Variants in KCNIP1 observed in about 807,000 individuals in gnomAD.
KCNIP1 encodes the protein A-type potassium channel modulatory protein KCNIP1.
KCNIP1 carries 18 observed loss-of-function variants against 33.0 expected under a neutral mutation model. The ratio of observed to expected loss-of-function variants is 0.55; its 90% CI spans 0.38 to 0.81. The LOEUF (loss-of-function observed/expected upper bound fraction) is 0.81. Ranked by LOEUF, KCNIP1 falls within the 30% of genes least tolerant of loss-of-function variation. KCNIP1 has a pLI of 0.00. For synonymous variants in KCNIP1, 93 were observed against 98.3 expected (o/e 0.95, Z 0.32); for missense variants, 238 against 271.6 (o/e 0.88, Z 0.87).
chr5:170,628,063 G>A (rs1011594699), intron 1 of KCNIP1, among the ~76,000 whole-genome samples: 9 of 152,206 alleles, frequency 5.9e-5, no homozygotes, highest in African/African-American at 2.2e-4. Flanking sequence ...AGTGAGTGGG[G>A]AATTCCCGCC....
chr5:170,489,201 C>T lies in KCNIP1; in HGVS notation c.88+135237C>T, dbSNP rs1170682876. 2.2e-4 allele frequency among the ~76,000 whole-genome samples: 33 copies of T among 152,160 alleles called. No homozygotes were observed. The highest frequency in any genetic ancestry group is 1.8e-3 in the Admixed American group (27 of 15,288). On this transcript the variant is annotated intron_variant, in intron 1 of 7. Transcript: ENST00000377360. The surrounding 1 kb of genome is among the most constrained non-coding windows in gnomAD (Gnocchi z 4.3). Reference sequence around the variant, plus strand: ...AGGCACTGAAGGAAGAGGTAGGGGACGATGACTCCATCTGTCACCTCGGCA... The same window carrying T: ...AGGCACTGAAGGAAGAGGTAGGGGATGATGACTCCATCTGTCACCTCGGCA...
intron 1 of KCNIP1, among the ~76,000 whole-genome samples, chr5:170,416,250 G>A (rs776201967): frequency 6.6e-6 from 1 of 152,130 alleles, no homozygotes; most frequent in Admixed American, 6.5e-5. Context: ...TCATATCTCA[G>A]GGTGGGAGAG....
At chr5:170,622,707 G>C (rs997145211) in intron 1 of KCNIP1, among the ~76,000 whole-genome samples, 2 of 151,926 alleles carry the variant, frequency 1.3e-5, no homozygotes, top group Admixed American at 6.6e-5. Flanking sequence ...GGGATGCAGC[G>C]CGAGGCTAAG....
intron 5 of KCNIP1, among the ~76,000 whole-genome samples, chr5:170,726,491 G>A (rs951301141): frequency 6.6e-6 from 1 of 152,154 alleles, no homozygotes; most frequent in Non-Finnish European, 1.5e-5. Context: ...TGGCAAAGAT[G>A]TGGAGCAATA....
intron 2 of KCNIP1, among the ~76,000 whole-genome samples, chr5:170,719,323 C>A (rs1763740845): frequency 6.6e-6 from 1 of 151,966 alleles, no homozygotes; most frequent in East Asian, 1.9e-4. Flanking sequence ...GAAACAGACA[C>A]TCCTCTCCCT....
chr5:170,371,145 C>G (rs1763832136), intron 1 of KCNIP1, among the ~76,000 whole-genome samples: 2 of 152,182 alleles, frequency 1.3e-5, no homozygotes, highest in South Asian at 4.1e-4. Context: ...GTGACCAGTT[C>G]AAGGATCGCT....
At chr5:170,721,722 C>T in intron 3 of KCNIP1, 111 bp from the exon 4 acceptor site, 1 of 1,612,574 alleles carries the variant, frequency 6.2e-7, no homozygotes, top group Non-Finnish European at 8.5e-7. Flanking sequence ...TCCTTTCCAT[C>T]ACCCTAGCAT....
chr5:170,517,331 GT>G (rs1358242187), intron 1 of KCNIP1, among the ~76,000 whole-genome samples: 1 of 152,166 alleles, frequency 6.6e-6, no homozygotes, highest in Non-Finnish European at 1.5e-5. Flanking sequence ...CCATGATCTG[GT>G]CACCTCCCAC....
chr5:170,444,813 A>G (rs1361805600), intron 1 of KCNIP1, among the ~76,000 whole-genome samples: 1 of 151,852 alleles, frequency 6.6e-6, no homozygotes, highest in East Asian at 1.9e-4. Context: ...ACAGAATGGC[A>G]TTTCTGATTG....
chr5:170,364,028 T>A (rs1374592808), intron 1 of KCNIP1, among the ~76,000 whole-genome samples: 2 of 148,764 alleles, frequency 1.3e-5, no homozygotes, highest in African/African-American at 5.0e-5. Context: ...TGAGATAGGG[T>A]CTCACTCTGT....
intron 1 of KCNIP1, among the ~76,000 whole-genome samples, chr5:170,597,830 T>TATATATATATATA (rs1758516180): frequency 2.7e-5 from 3 of 111,540 alleles, no homozygotes; most frequent in Non-Finnish European, 3.8e-5. Flanking sequence ...TATATATATA[T>TATATATATATATA]GAAAGAAAGA....
intron 1 of KCNIP1, among the ~76,000 whole-genome samples, chr5:170,557,601 T>C (rs1033129216): frequency 1.3e-5 from 2 of 152,008 alleles, no homozygotes; most frequent in African/African-American, 4.8e-5. Flanking sequence ...ATAGTGCCAG[T>C]GGAGAGCAGG....
chr5:170,441,072 C>G (rs774228699), intron 1 of KCNIP1, among the ~76,000 whole-genome samples: 1 of 152,204 alleles, frequency 6.6e-6, no homozygotes. Context: ...GAATTTTAGT[C>G]TCTGCATGCT....
intron 1 of KCNIP1, among the ~76,000 whole-genome samples, chr5:170,382,041 T>C (rs1388131733): frequency 6.6e-6 from 1 of 152,124 alleles, no homozygotes; most frequent in Non-Finnish European, 1.5e-5. Context: ...CCAGGCACCC[T>C]GCCCCTTCCC....
At chr5:170,390,476 A>G (rs1764673313) in intron 1 of KCNIP1, among the ~76,000 whole-genome samples, 1 of 144,506 alleles carries the variant, frequency 6.9e-6, no homozygotes, top group Non-Finnish European at 1.5e-5. Context: ...ACTGCACTCT[A>G]GCCTGAACAG....
At chr5:170,597,973 A>G (rs1393439346) in intron 1 of KCNIP1, among the ~76,000 whole-genome samples, 1 of 152,128 alleles carries the variant, frequency 6.6e-6, no homozygotes, top group African/African-American at 2.4e-5. Context: ...AAAGGGCCCC[A>G]GCATCCACAG....
upstream of KCNIP1, among the ~76,000 whole-genome samples, chr5:170,502,976 T>C (rs1249566059): frequency 2.0e-5 from 3 of 152,158 alleles, no homozygotes; most frequent in Non-Finnish European, 4.4e-5. Flanking sequence ...GGGAAATGGC[T>C]TCCTAAATCT....
chr5:170,713,744 G>A (rs10051071), intron 1 of KCNIP1, among the ~76,000 whole-genome samples: 34,195 of 152,074 alleles, frequency 0.22, 5,225 homozygotes, highest in East Asian at 0.81. Flanking sequence ...ACGGATGGCC[G>A]GGTGCAGTGG....
intron 1 of KCNIP1, among the ~76,000 whole-genome samples, chr5:170,638,042 G>A (rs1337216100): frequency 7.2e-6 from 1 of 138,334 alleles, no homozygotes; most frequent in Non-Finnish European, 1.6e-5. Context: ...TGGGGGGTGG[G>A]GGGTGGGGAT....
Sources: allele counts gnomAD v4.1 joint callset (sites outside exome capture counted in the v4.1 genomes callset), GRCh38; gene constraint gnomAD v4.1.1; non-coding constraint Gnocchi (gnomAD v3.1); transcripts MANE v1.5; gene names NCBI Gene and HGNC (gene_info 2026-07-23, HGNC 2026-07-21).